Variants in AKAP9 observed in about 807,000 individuals in gnomAD.
The protein encoded by AKAP9 is A-kinase anchoring protein 9.
AKAP9 carries 311 observed loss-of-function variants against 488.5 expected under a neutral mutation model. The ratio of observed to expected loss-of-function variants is 0.64; its 90% CI spans 0.58 to 0.70. The LOEUF (loss-of-function observed/expected upper bound fraction) is 0.70. AKAP9 is among the 30% of genes least tolerant of loss of function. The probability of loss-of-function intolerance (pLI) is 0.00; values close to 1 mark genes in which losing one functional copy is unlikely to be tolerated. For missense variants in AKAP9, 4,215 were observed against 4,374.5 expected (o/e 0.96, Z 1.03); for synonymous variants, 1,462 against 1,483.5 (o/e 0.99, Z 0.33).
At position 92,044,992 on chromosome 7, in the gene AKAP9, T is replaced by A. The variant is rs756599042; in HGVS notation, c.5163-16T>A. Reference sequence around the variant, plus strand: ...AAATATTAAACATTTTAATCAGTGCTTCTTTATCTATACAGGTATGCACTC... The same window carrying A: ...AAATATTAAACATTTTAATCAGTGCATCTTTATCTATACAGGTATGCACTC... On this transcript the variant is annotated splice_polypyrimidine_tract_variant and intron_variant, in intron 20 of 49. Transcript: ENST00000356239. 6.3e-7 allele frequency: 1 copy of A among 1,585,352 alleles called. No individual in the cohort carries two copies. The highest frequency in any genetic ancestry group is 1.1e-5 in the South Asian group (1 of 90,442).
At chr7:92,023,356 T>C (rs1421984700) in intron 14 of AKAP9, among the ~76,000 whole-genome samples, 1 of 152,220 alleles carries the variant, frequency 6.6e-6, no homozygotes, top group Non-Finnish European at 1.5e-5. Context: ...TTAAGGAATA[T>C]AAGGTAGGAT....
intron 1 of AKAP9, among the ~76,000 whole-genome samples, chr7:91,953,981 A>C (rs1250097187): frequency 6.6e-6 from 1 of 152,178 alleles, no homozygotes; most frequent in Admixed American, 6.5e-5. Context: ...TAATTCTAGT[A>C]GGACTCTTTT....
rs762919788 is a variant in AKAP9, at chr7:92,079,290, A to T, written c.7157A>T (p.His2386Leu). ...TCAGAAGAAGCAGACAGTTTAAAAC[A>T]TCAATTGGATGTGGTTATAGCTGAA... is the stretch of plus-strand genomic sequence containing the variant. ...SLSEEADSLKHQLDVVIAEKL... is the reference protein window; with the variant it reads ...SLSEEADSLKLQLDVVIAEKL... Residue 2386 changes from histidine to leucine, a missense_variant, in exon 31 of 50, where the codon CAT becomes CTT. This residue lies in a region of AKAP9 where 1,476 missense variants were observed against 1,477.4 expected (regional missense o/e 1.00). Transcript: ENST00000356239. The T allele has an allele frequency of 2.5e-6, 4 of 1,614,130 alleles. No individual in the cohort carries two copies. In the Admixed American group the frequency reaches 6.7e-5, roughly 27 times the overall value.
chr7:92,070,522 C>T (rs1359787486), intron 27 of AKAP9, among the ~76,000 whole-genome samples: 1 of 152,024 alleles, frequency 6.6e-6, no homozygotes, highest in Non-Finnish European at 1.5e-5. Context: ...ACAACCTCCA[C>T]CTCCCGAGTT....
chr7:92,026,594 C>A (rs1031409803), intron 14 of AKAP9, among the ~76,000 whole-genome samples: 1 of 152,200 alleles, frequency 6.6e-6, no homozygotes, highest in African/African-American at 2.4e-5. Flanking sequence ...CTCGGCCTCC[C>A]GAGGTGCTGG....
chr7:91,947,639 C>T (rs551519899), intron 1 of AKAP9, among the ~76,000 whole-genome samples: 4 of 152,236 alleles, frequency 2.6e-5, no homozygotes, highest in South Asian at 2.1e-4. Flanking sequence ...CGCGCCCGGC[C>T]GCAAACATTT....
chr7:91,964,543 C>T (rs1331710923), intron 1 of AKAP9, among the ~76,000 whole-genome samples: 1 of 152,002 alleles, frequency 6.6e-6, no homozygotes, highest in Non-Finnish European at 1.5e-5. Context: ...TCAGACTTCA[C>T]CACTATGTAA....
chr7:92,038,637 A>G lies in AKAP9; in HGVS notation c.4557A>G (p.Lys1519=). Residue 1519 remains lysine, a synonymous_variant, in exon 17 of 50, where the codon AAA becomes AAG. Transcript: ENST00000356239. The stretch of plus-strand genomic sequence containing the variant: ...AAGAAGAATTTAAACCACTTAGTAA[A>G]GAGTTAGGAGAACATGGAAAGGAAA... ...KFKEEFKPLS[K]ELGEHGKEIL... The G allele has an allele frequency of 6.2e-7, 1 of 1,612,202 alleles. No homozygotes were observed.
At chr7:92,051,940 A>C (rs1322329916) in intron 21 of AKAP9, among the ~76,000 whole-genome samples, 1 of 152,200 alleles carries the variant, frequency 6.6e-6, no homozygotes, top group Non-Finnish European at 1.5e-5. Flanking sequence ...AGCTTAGAGA[A>C]AATACTTGGA....
intron 22 of AKAP9, among the ~76,000 whole-genome samples, chr7:92,057,345 A>T (rs994156252): frequency 6.6e-6 from 1 of 152,108 alleles, no homozygotes; most frequent in African/African-American, 2.4e-5. Flanking sequence ...TCACATTTTT[A>T]AATTAAAGCA....
intron 22 of AKAP9, chr7:92,057,893 AT>A: frequency 4.4e-5 from 10 of 226,920 alleles, no homozygotes; most frequent in South Asian, 1.7e-4. Flanking sequence ...TTGTTTTTTG[AT>A]TTTTTTTGGT....
At chr7:92,035,950 C>G (rs1805124414) in intron 16 of AKAP9, among the ~76,000 whole-genome samples, 1 of 151,522 alleles carries the variant, frequency 6.6e-6, no homozygotes, top group African/African-American at 2.4e-5. Flanking sequence ...CGCTCTAATC[C>G]TTTTTGCATC....
intron 46 of AKAP9, among the ~76,000 whole-genome samples, chr7:92,103,322 G>A (rs1408208205): frequency 6.0e-5 from 9 of 150,326 alleles, no homozygotes; most frequent in Non-Finnish European, 1.0e-4. Flanking sequence ...CCTGGGCGGC[G>A]GAGGTTGCGG....
chr7:92,010,457 C>T (rs1259758631), intron 8 of AKAP9, among the ~76,000 whole-genome samples: 3 of 152,230 alleles, frequency 2.0e-5, no homozygotes, highest in Admixed American at 6.5e-5. Context: ...AGGGCGTGCA[C>T]TACTGCAATT....
Position 92,017,107 on chromosome 7 carries a change from G to A in AKAP9, c.3837+5G>A. The stretch of plus-strand genomic sequence containing the variant: ...CTTCAAACACGACTAAGCAAGGTCT[G>A]TGAGATGGAAAATATATTGTAATAT... On this transcript the variant is annotated splice_donor_5th_base_variant and intron_variant, in intron 12 of 49. Transcript: ENST00000356239. 2 of 1,545,576 alleles carry A rather than the reference G, an allele frequency of 1.3e-6. No individual in the cohort carries two copies.
Position 92,084,702 on chromosome 7 carries a change from TG to T in AKAP9, c.8710+1del, listed in dbSNP as rs1814198387. The T allele has an allele frequency of 6.2e-7, 1 of 1,610,148 alleles. No individual in the cohort carries two copies. Among genetic ancestry groups the T allele is most frequent in the Non-Finnish European group, 8.5e-7 (1 of 1,176,888 alleles). ...AYQTREICSS[D>X]SGSDWGQGIY... ...ACCAGACTAGAGAAATATGCTCCAG[TG>T]GTAAGTTATATAAATATTTGTAATG... On this transcript the variant is annotated frameshift_variant and splice_region_variant, in exon 34 of 50. Coordinates refer to ENST00000356239, the MANE Select transcript of AKAP9 (RefSeq NM_005751.5). LOFTEE classifies it high-confidence loss of function.
Position 92,001,814 on chromosome 7 carries a change from C to A in AKAP9, c.1897C>A (p.His633Asn). The A allele has an allele frequency of 1.2e-6, 2 of 1,613,328 alleles. No individual in the cohort carries two copies. Among genetic ancestry groups the A allele is most frequent in the South Asian group, 1.1e-5 (1 of 91,028 alleles). The change falls in exon 8 of 50, where the codon CAC becomes AAC. Residue 633 changes from histidine to asparagine, a missense_variant. Transcript: ENST00000356239. ...ERLRTQLLFSHEEELSKLKED... is the reference protein window; with the variant it reads ...ERLRTQLLFSNEEELSKLKED... ...GCTGAGAACACAGCTTCTATTTAGT[C>A]ACGAAGAAGAGCTTTCCAAACTGAA...
At chr7:91,996,496 C>T (rs1798424081) in intron 7 of AKAP9, among the ~76,000 whole-genome samples, 1 of 152,120 alleles carries the variant, frequency 6.6e-6, no homozygotes, top group Non-Finnish European at 1.5e-5. Context: ...CTGTACTACA[C>T]TGCACTACCT....
rs1802515442 is a variant in AKAP9 at position 92,022,817 on chromosome 7, T to A, written c.3956T>A (p.Val1319Asp). 1 of 1,578,826 alleles carries A rather than the reference T, an allele frequency of 6.3e-7. No homozygotes were observed. The highest frequency in any genetic ancestry group is 1.4e-5 in the African/African-American group (1 of 73,744). ...SQMTNLEDID[V>D]NHKSKLSSLQ... is the part of the protein sequence containing the mutation. The stretch of plus-strand genomic sequence containing the variant: ...TTTGTCTCTTTATATAACATAGATG[T>A]CAATCATAAAAGCAAGTTATCTTCT... Residue 1319 changes from valine (V) to aspartate (D), a missense_variant, in exon 14 of 50, where the codon GTC (valine) becomes GAC (aspartate). Around this residue, in one of 5 missense-constraint regions of AKAP9, gnomAD observed 2,361 missense variants for 2,430.0 expected, o/e 0.97. Coordinates refer to ENST00000356239, the MANE Select transcript of AKAP9 (RefSeq NM_005751.5).
Sources: gnomAD v4.1 joint callset for allele counts (sites outside exome capture counted in the v4.1 genomes callset) on GRCh38, gnomAD v4.1.1 for gene constraint, gnomAD v4.1.1 regional missense constraint, MANE v1.5 for transcripts, NCBI Gene and HGNC (gene_info 2026-07-23, HGNC 2026-07-21) for gene names.